CCDC150: variants seen among roughly 807,000 people sequenced by gnomAD.
The protein encoded by CCDC150 is coiled-coil domain-containing protein 150.
CCDC150 carries 151 observed loss-of-function variants against 156.5 expected under a neutral mutation model. The ratio of observed to expected loss-of-function variants is 0.97; its 90% CI spans 0.85 to 1.10. CCDC150 has a LOEUF of 1.10. Ranked by LOEUF, CCDC150 falls within the 50% of genes least tolerant of loss-of-function variation. The pLI is 0.00. For synonymous variants in CCDC150, 452 were observed against 429.4 expected, an observed-to-expected ratio of 1.05 and a Z score of -0.65; for missense variants, 1,312 against 1,268.1, an observed-to-expected ratio of 1.03 and a Z score of -0.53.
intron 19 of CCDC150, 89 bp downstream of exon 19, chr2:196,719,755 G>A: frequency 1.1e-6 from 1 of 896,542 alleles, no homozygotes; most frequent in Non-Finnish European, 1.5e-6. Context: ...ACTTTATGTA[G>A]CTTCCTTTAC....
At chr2:196,687,505 A>T (rs1251030270) in intron 13 of CCDC150, among the ~76,000 whole-genome samples, 3 of 152,120 alleles carry the variant, frequency 2.0e-5, no homozygotes, top group African/African-American at 7.2e-5. Context: ...TAGATGCTGG[A>T]TATTAGACCT....
At chr2:196,694,144 C>T (rs1277903067) in intron 13 of CCDC150, among the ~76,000 whole-genome samples, 2 of 151,518 alleles carry the variant, frequency 1.3e-5, no homozygotes, top group East Asian at 1.9e-4. Context: ...GCAACCTCTG[C>T]CTCCCTGGTT....
intron 21 of CCDC150, among the ~76,000 whole-genome samples, chr2:196,723,255 T>C (rs879478045): frequency 2.0e-5 from 3 of 152,114 alleles, no homozygotes; most frequent in African/African-American, 7.2e-5. Context: ...GTAATCCCAG[T>C]ACTTTGGGAG....
intron 13 of CCDC150, among the ~76,000 whole-genome samples, chr2:196,689,819 G>A (rs200337206): frequency 0.022 from 3,325 of 152,216 alleles, 159 homozygotes; most frequent in East Asian, 0.2. Context: ...TCCCTGTCTT[G>A]TGCCAGTTTT....
intron 13 of CCDC150, among the ~76,000 whole-genome samples, chr2:196,684,068 A>C (rs1353958508): frequency 2.6e-5 from 4 of 152,044 alleles, no homozygotes; most frequent in African/African-American, 7.2e-5. Context: ...TTCTAAAAAA[A>C]AGCTTAGGTT....
intron 14 of CCDC150, 82 bp from the exon 15 acceptor site, chr2:196,701,027 G>A (rs1455665725): frequency 2.4e-6 from 2 of 826,908 alleles, no homozygotes; most frequent in Non-Finnish European, 3.9e-6. Context: ...GAAATGGTAA[G>A]GATGTAAATA....
chr2:196,646,457 C>G lies in CCDC150; in HGVS notation c.129C>G (p.Thr43=). ...QQRMRIVEEQ[T]SSLRDDLIML... is the part of the protein sequence containing the mutation. ...GGATGAGAATAGTTGAGGAACAGAC[C>G]AGTTCACTGAGGGATGACCTAATAA... Residue 43 remains threonine, a synonymous_variant, in exon 2 of 28, where the codon ACC becomes ACG. Coordinates refer to ENST00000389175, the MANE Select transcript of CCDC150 (RefSeq NM_001080539.2). 6.2e-7 allele frequency: 1 copy of G among 1,613,732 alleles called. No individual in the cohort carries two copies. The highest frequency in any genetic ancestry group is 1.1e-5 in the South Asian group (1 of 91,062).
At chr2:196,721,200 G>A (rs1697861985) in intron 20 of CCDC150, among the ~76,000 whole-genome samples, 1 of 150,224 alleles carries the variant, frequency 6.7e-6, no homozygotes, top group African/African-American at 2.4e-5. Context: ...ATCAGGAAGG[G>A]TAATTTAGTT....
rs181768360 is a variant in CCDC150, at chr2:196,719,804, C to T, written c.2165+138C>T. ...GCAAAATGATATGTTGAAAGAATTCCTAAGTTAGAGAAAATTTAGAATTAG... is the reference window on the plus strand; with the variant it reads ...GCAAAATGATATGTTGAAAGAATTCTTAAGTTAGAGAAAATTTAGAATTAG... On this transcript the variant is annotated intron_variant, in intron 19 of 27. Coordinates refer to ENST00000389175, the MANE Select transcript of CCDC150 (RefSeq NM_001080539.2). 789 of 539,020 alleles carry T rather than the reference C, an allele frequency of 1.5e-3. 4 individuals carry two copies. The highest frequency in any genetic ancestry group is 1.8e-3 in the Non-Finnish European group (602 of 331,080). 33.4% of individuals were successfully genotyped at this position (539,020 alleles called of 1,614,324 possible).
intron 2 of CCDC150, among the ~76,000 whole-genome samples, chr2:196,647,830 T>C (rs900392857): frequency 2.0e-5 from 3 of 152,186 alleles, no homozygotes; most frequent in Non-Finnish European, 4.4e-5. Flanking sequence ...CAAGGTACTT[T>C]GCAGTGGATG....
rs749126408 is a variant in CCDC150 at position 196,657,176 on chromosome 2, T to C, written c.576+40T>C. On this transcript the variant is annotated intron_variant, in intron 4 of 27. Coordinates refer to ENST00000389175, the MANE Select transcript of CCDC150 (RefSeq NM_001080539.2). ...GTTCTGAAGTATAAACACACTGTTA[T>C]GTGTTAGCTGGAGGAGGTAACAGAC... The C allele has an allele frequency of 5.7e-6, 9 of 1,592,906 alleles. No homozygotes were observed. In the African/African-American group the frequency reaches 1.1e-4, roughly 19 times the overall value.
At chr2:196,640,528 T>C (rs538014369) in intron 1 of CCDC150, among the ~76,000 whole-genome samples, 8 of 152,234 alleles carry the variant, frequency 5.3e-5, no homozygotes, top group Non-Finnish European at 1.2e-4. Context: ...ACAAATTCAA[T>C]AATGTATTTG....
intron 3 of CCDC150, 24 bp from the exon 4 acceptor site, chr2:196,656,934 T>A: frequency 6.2e-7 from 1 of 1,612,420 alleles, no homozygotes; most frequent in Non-Finnish European, 8.5e-7. Flanking sequence ...TGCTGCTTGA[T>A]GCCCCTCCTG....
intron 17 of CCDC150, chr2:196,713,720 T>C: frequency 7.2e-7 from 1 of 1,381,800 alleles, no homozygotes; most frequent in Non-Finnish European, 9.4e-7. Context: ...TAAGGAAGTT[T>C]TAAATTTATA....
chr2:196,703,918 C>T (rs981150637), intron 15 of CCDC150, among the ~76,000 whole-genome samples: 3 of 152,174 alleles, frequency 2.0e-5, no homozygotes, highest in African/African-American at 7.2e-5. Flanking sequence ...TTTGAAGAAA[C>T]ACTTTTTGAA....
intron 17 of CCDC150, among the ~76,000 whole-genome samples, chr2:196,716,689 T>A (rs1697522976): frequency 1.3e-5 from 2 of 152,258 alleles, no homozygotes; most frequent in Admixed American, 1.3e-4. Context: ...ATCTTAATTA[T>A]TGTTTCAAAG....
intron 17 of CCDC150, among the ~76,000 whole-genome samples, chr2:196,715,592 C>T (rs1697447293): frequency 6.6e-6 from 1 of 152,070 alleles, no homozygotes; most frequent in Non-Finnish European, 1.5e-5. Context: ...GTTTTCTTTT[C>T]AACAAAACTG....
chr2:196,641,271 C>G (rs1670185187), intron 1 of CCDC150, among the ~76,000 whole-genome samples: 1 of 152,178 alleles, frequency 6.6e-6, no homozygotes, highest in African/African-American at 2.4e-5. Flanking sequence ...GCCACCGCGC[C>G]CAGCCGTATT....
In CCDC150 at chr2:196,657,064, A is replaced by G; in HGVS notation, c.504A>G (p.Lys168=). The G allele has an allele frequency of 6.2e-7, 1 of 1,613,914 alleles. No homozygotes were observed. Among genetic ancestry groups the G allele is most frequent in the Non-Finnish European group, 8.5e-7 (1 of 1,179,800 alleles). ...MNLRQQLRAV[K]EEEDKAQDEV... The stretch of plus-strand genomic sequence containing the variant: ...TGCGCCAGCAACTGAGAGCTGTAAA[A>G]GAGGAAGAAGACAAGGCACAAGATG... Residue 168 remains lysine, a synonymous_variant, in exon 4 of 28, where the codon AAA becomes AAG. Coordinates refer to ENST00000389175, the MANE Select transcript of CCDC150 (RefSeq NM_001080539.2).
Sources: allele counts gnomAD v4.1 joint callset (sites outside exome capture counted in the v4.1 genomes callset), GRCh38; gene constraint gnomAD v4.1.1; transcripts MANE v1.5; gene names NCBI Gene and HGNC (gene_info 2026-07-23, HGNC 2026-07-21).